Variants in ZNF451 observed in about 807,000 individuals in gnomAD.
The protein encoded by ZNF451 is zinc finger protein 451, also known as E3 SUMO-protein ligase ZNF451.
In ZNF451, 80 loss-of-function variants were observed where a neutral mutation model predicts 107.1. The ratio of observed to expected loss-of-function variants is 0.75; its 90% CI spans 0.62 to 0.90. The LOEUF is 0.90. Among genes scored for constraint, ZNF451 ranks in the 40% least tolerant of loss-of-function variants. ZNF451 has a pLI of 0.00. For missense variants in ZNF451, 1,107 were observed against 1,236.2 expected (o/e 0.90, Z 1.57); for synonymous variants, 362 against 406.5 (o/e 0.89, Z 1.32).
rs182096715 is a variant in ZNF451, at chr6:57,155,719, G to A, written c.3070+1672G>A. ...TCTGTTTGGAATGAGAGGTGAATAC[G>A]AGTAGACTTGCATGGGTATATTACA... On this transcript the variant is annotated intron_variant, in intron 13 of 14. Coordinates refer to ENST00000370706, the MANE Select transcript of ZNF451 (RefSeq NM_001031623.3). 1.9e-3 allele frequency among the ~76,000 whole-genome samples: 292 copies of A among 151,988 alleles called. 1 individual carries two copies. Among genetic ancestry groups the A allele is most frequent in the African/African-American group, 6.6e-3 (275 of 41,450 alleles).
chr6:57,154,120 G>C (rs746657167), intron 13 of ZNF451, 73 bp downstream of exon 13: 1 of 1,452,474 alleles, frequency 6.9e-7, no homozygotes, highest in Non-Finnish European at 9.6e-7. Context: ...CCAATAAACT[G>C]CTGTCCGCTA....
At chr6:57,160,521 G>GA (rs1763626601) in intron 13 of ZNF451, among the ~76,000 whole-genome samples, 1 of 152,088 alleles carries the variant, frequency 6.6e-6, no homozygotes, top group South Asian at 2.1e-4. Context: ...TTTTGGTAGA[G>GA]ACAGGGTTTT....
rs774081515 is a variant in ZNF451 at position 57,101,615 on chromosome 6, G to A, written c.186+2474G>A. On this transcript the variant is annotated intron_variant, in intron 3 of 14. Transcript: ENST00000370706. The stretch of plus-strand genomic sequence containing the variant: ...ATGGCCTATATGACTCAATATCAGC[G>A]TAAACTCTGGGAAGACATGGAAGAT... 8.8e-5 allele frequency: 136 copies of A among 1,550,684 alleles called. 1 individual carries two copies. The highest frequency in any genetic ancestry group is 5.0e-4 in the Middle Eastern group (3 of 6,012).
intron 3 of ZNF451, chr6:57,114,929 A>C (rs1272385556): frequency 6.6e-6 from 1 of 152,192 alleles, no homozygotes; most frequent in Non-Finnish European, 1.5e-5. Context: ...TCTAGATTTT[A>C]TTCATATATA....
intron 14 of ZNF451, chr6:57,165,154 T>C (rs912342548): frequency 6.6e-6 from 1 of 152,230 alleles, no homozygotes; most frequent in Non-Finnish European, 1.5e-5. Context: ...GAGTTGTTTC[T>C]CTCTTGTTGT....
chr6:57,105,323 G>A (rs1829801692), intron 3 of ZNF451: 1 of 983,118 alleles, frequency 1.0e-6, no homozygotes, highest in Non-Finnish European at 1.2e-6. Context: ...TGTATATAGA[G>A]ACAATATGGT....
intron 3 of ZNF451, chr6:57,104,923 G>A: frequency 1.0e-6 from 1 of 985,360 alleles, no homozygotes; most frequent in Non-Finnish European, 1.2e-6. Flanking sequence ...TAGGGATGGG[G>A]ACAGAATGCA....
chr6:57,167,601 C>G (rs191378360), intron 14 of ZNF451, among the ~76,000 whole-genome samples: 2 of 152,078 alleles, frequency 1.3e-5, no homozygotes, highest in African/African-American at 4.8e-5. Context: ...GAGGAACATG[C>G]GGTTGCATCT....
At chr6:57,145,463 C>G (rs1401787864) in intron 9 of ZNF451, among the ~76,000 whole-genome samples, 2 of 152,224 alleles carry the variant, frequency 1.3e-5, no homozygotes, top group Admixed American at 1.3e-4. Flanking sequence ...CAACCTCCCA[C>G]CTTTTGGAGT....
At chr6:57,113,749 G>A (rs1355821204) in intron 3 of ZNF451, among the ~76,000 whole-genome samples, 4 of 151,624 alleles carry the variant, frequency 2.6e-5, no homozygotes, top group African/African-American at 7.3e-5. Flanking sequence ...AGCCTCCCGA[G>A]TAGCTGGGAC....
chr6:57,102,211 T>C, intron 3 of ZNF451: 1 of 1,416,374 alleles, frequency 7.1e-7, no homozygotes, highest in Non-Finnish European at 9.1e-7. Flanking sequence ...TGGATGCATG[T>C]CTGGAATGAT....
chr6:57,096,876 A>G (rs992354835), intron 2 of ZNF451, among the ~76,000 whole-genome samples: 9 of 147,964 alleles, frequency 6.1e-5, no homozygotes, highest in African/African-American at 1.8e-4. Flanking sequence ...CCTGGGTTCA[A>G]GCAATTCATC....
intron 3 of ZNF451, chr6:57,105,347 T>G (rs949060449): frequency 1.2e-4 from 119 of 983,818 alleles, no homozygotes; most frequent in Non-Finnish European, 1.4e-4. Context: ...TTGTAGTTAC[T>G]GTGTATAGAG....
Position 57,141,393 on chromosome 6 carries a change from A to T in ZNF451, c.794A>T (p.Lys265Met), listed in dbSNP as rs1281706704. Residue 265 changes from lysine to methionine, a missense_variant, in exon 8 of 15, where the codon AAG becomes ATG. By Grantham distance (95) the Lys-to-Met change is moderately conservative (BLOSUM62 -1). Transcript: ENST00000370706. ...CPNCFLLFSR[K>M]EECSKHMSGK... ...AATTGCTTCCTTCTTTTTAGCAGAA[A>T]GGAGGAGTGTTCAAAGCATATGTCT... 9.9e-6 allele frequency: 16 copies of T among 1,613,550 alleles called. No individual in the cohort carries two copies. Among genetic ancestry groups the T allele is most frequent in the Non-Finnish European group, 1.4e-5 (16 of 1,179,724 alleles).
chr6:57,125,709 C>A (rs547347497), intron 4 of ZNF451, among the ~76,000 whole-genome samples: 4 of 152,146 alleles, frequency 2.6e-5, no homozygotes, highest in Admixed American at 2.6e-4. Flanking sequence ...CTGTAGCATC[C>A]TAATCTGTTA....
At chr6:57,106,028 TACTAC>T (rs1350230141) in intron 3 of ZNF451, 1 of 982,048 alleles carries the variant, frequency 1.0e-6, no homozygotes, top group Non-Finnish European at 1.2e-6. Context: ...TCTATATTAG[TACTAC>T]ACTAATAATT....
intron 3 of ZNF451, chr6:57,105,070 T>G (rs1427499737): frequency 2.0e-6 from 2 of 985,280 alleles, no homozygotes; most frequent in Non-Finnish European, 2.4e-6. Flanking sequence ...GAGGATTTGG[T>G]CTAGGGAGAT....
chr6:57,101,513 C>T (rs1200525425), intron 3 of ZNF451: 1 of 1,551,036 alleles, frequency 6.4e-7, no homozygotes. Context: ...CCTCTAGATT[C>T]TACCTCAAAA....
rs952391573 is a variant in ZNF451 at position 57,165,043 on chromosome 6, G to A, written c.3140-3380G>A. The A allele has an allele frequency of 2.0e-5, 3 of 152,186 alleles. No individual in the cohort carries two copies. In the East Asian group the frequency reaches 5.8e-4, roughly 29 times the overall value. The allele number at this position is 152,186 out of a possible 1,614,324, so 9.4% of individuals were successfully genotyped here. ...TGAGAATTTCTTTAGGAATAGTTTT[G>A]TCAGATATAGAATTCTTGATCGACA... On this transcript the variant is annotated intron_variant, in intron 14 of 14. Coordinates refer to ENST00000370706, the MANE Select transcript of ZNF451 (RefSeq NM_001031623.3).
Sources: gnomAD v4.1 joint callset for allele counts (sites outside exome capture counted in the v4.1 genomes callset) on GRCh38, gnomAD v4.1.1 for gene constraint, MANE v1.5 for transcripts, NCBI Gene and HGNC (gene_info 2026-07-23, HGNC 2026-07-21) for gene names.